ARLN: variants seen among roughly 807,000 people sequenced by gnomAD.
ARLN encodes sarcoplasmic/endoplasmic reticulum calcium ATPase regulator ARLN.
the ARLN span, chr4:119,300,391 A>AGAG: frequency 6.2e-7 from 1 of 1,613,688 alleles, no homozygotes; most frequent in Non-Finnish European, 8.5e-7. Flanking sequence ...ATGAAAAGCC[A>AGAG]GAGGTCCAAC....
chr4:119,300,919 C>T, the ARLN span: 1 of 973,294 alleles, frequency 1.0e-6, no homozygotes, highest in East Asian at 2.7e-5. Flanking sequence ...GGTCACCTCT[C>T]CTATCCCCGT....
At chr4:119,300,630 G>C in the ARLN span, 1 of 1,588,376 alleles carries the variant, frequency 6.3e-7, no homozygotes, top group Admixed American at 1.8e-5. Flanking sequence ...GCGGAGTCCG[G>C]CCGCCTGCGC....
the ARLN span, among the ~76,000 whole-genome samples, chr4:119,302,086 A>C: frequency 1.3e-5 from 2 of 152,244 alleles, no homozygotes; most frequent in African/African-American, 2.4e-5. Flanking sequence ...CCTCTACCAG[A>C]GATGGAAGCA....
the ARLN span, among the ~76,000 whole-genome samples, chr4:119,299,152 T>C: frequency 6.6e-6 from 1 of 152,140 alleles, no homozygotes; most frequent in South Asian, 2.1e-4. Flanking sequence ...AGTGGCACGT[T>C]CACAGCTCAC....
At chr4:119,303,819 T>C in the ARLN span, among the ~76,000 whole-genome samples, 1 of 152,186 alleles carries the variant, frequency 6.6e-6, no homozygotes, top group Admixed American at 6.5e-5. Context: ...GAGGCTGCAG[T>C]GAACTGTTAT....
chr4:119,300,486 C>G, the ARLN span: 3 of 1,614,162 alleles, frequency 1.9e-6, no homozygotes, highest in South Asian at 2.2e-5. Context: ...AAAGCCTCGC[C>G]GCTCCCGGAG....
the ARLN span, chr4:119,300,522 G>C: frequency 1.2e-6 from 2 of 1,614,114 alleles, no homozygotes; most frequent in Admixed American, 3.3e-5. Flanking sequence ...AACACCCGGT[G>C]CGTCCACCTC....
chr4:119,300,873 C>T, the ARLN span: 2 of 1,366,346 alleles, frequency 1.5e-6, no homozygotes, highest in East Asian at 5.1e-5. Context: ...AGGCCCAGTC[C>T]AGTCAGGTGA....
At chr4:119,296,425 G>A in the ARLN span, 1 of 152,114 alleles carries the variant, frequency 6.6e-6, no homozygotes, top group African/African-American at 2.4e-5. Flanking sequence ...GATATATATA[G>A]AAATAAATTT....
chr4:119,303,887 A>G, the ARLN span, among the ~76,000 whole-genome samples: 3 of 152,178 alleles, frequency 2.0e-5, no homozygotes, highest in Admixed American at 2.0e-4. Context: ...TCCATGCTCT[A>G]ACAAAGAAAG....
At chr4:119,303,813 C>T in the ARLN span, among the ~76,000 whole-genome samples, 2 of 152,198 alleles carry the variant, frequency 1.3e-5, no homozygotes, top group African/African-American at 4.8e-5. Context: ...GAGGTCGAGG[C>T]TGCAGTGAAC....
At chr4:119,296,708 A>G in the ARLN span, 1 of 152,118 alleles carries the variant, frequency 6.6e-6, no homozygotes. Flanking sequence ...GGGTTGGCCC[A>G]CCCGCAGTGG....
chr4:119,301,429 G>T, the ARLN span, among the ~76,000 whole-genome samples: 3 of 151,690 alleles, frequency 2.0e-5, no homozygotes, highest in East Asian at 5.8e-4. Context: ...TCCATCTGGG[G>T]GGAAATGGGG....
the ARLN span, chr4:119,300,536 C>T: frequency 6.2e-7 from 1 of 1,614,104 alleles, no homozygotes; most frequent in African/African-American, 1.3e-5. Flanking sequence ...CCACCTCCAT[C>T]TCGCTCCTGC....
the ARLN span, chr4:119,304,198 C>T: frequency 2.9e-6 from 4 of 1,397,482 alleles, no homozygotes; most frequent in African/African-American, 1.4e-5. Flanking sequence ...AAATTTCCTT[C>T]ACTACAATTC....
At chr4:119,300,884 T>G in the ARLN span, 1 of 1,288,432 alleles carries the variant, frequency 7.8e-7, no homozygotes, top group Non-Finnish European at 1.0e-6. Context: ...AGTCAGGTGA[T>G]GGACTCCTCC....
the ARLN span, chr4:119,300,977 T>G: frequency 1.7e-6 from 1 of 605,736 alleles, no homozygotes; most frequent in Non-Finnish European, 2.8e-6. Context: ...CCCCCTCTGG[T>G]GGGTTTTGTA....
the ARLN span, chr4:119,304,401 C>G: frequency 6.5e-7 from 1 of 1,536,814 alleles, no homozygotes; most frequent in African/African-American, 1.4e-5. Context: ...CCTCTACATT[C>G]TGTAATGGTC....
the ARLN span, among the ~76,000 whole-genome samples, chr4:119,301,241 T>TA: frequency 0.012 from 1,205 of 100,358 alleles, 24 homozygotes; most frequent in African/African-American, 0.036. Context: ...CCGTCTCTAC[T>TA]AAAAAAAAAA....
Sources: allele counts gnomAD v4.1 joint callset (sites outside exome capture counted in the v4.1 genomes callset), GRCh38; gene constraint gnomAD v4.1.1; transcripts MANE v1.5; gene names NCBI Gene and HGNC (gene_info 2026-07-23, HGNC 2026-07-21).